KLHL15: variants seen among roughly 807,000 people sequenced by gnomAD.
The protein encoded by KLHL15 is kelch like family member 15.
Under a neutral mutation model 29.3 loss-of-function variants are expected in KLHL15, and 1 was observed. That is an observed-to-expected ratio of 0.03 (90% CI 0.01 to 0.16). The LOEUF (loss-of-function observed/expected upper bound fraction) is 0.16, where lower values mean the gene tolerates loss of function less well. Among genes scored for constraint, KLHL15 ranks in the 10% least tolerant of loss-of-function variants. KLHL15 has a pLI of 1.00. For synonymous variants in KLHL15, 212 were observed against 184.5 expected, an observed-to-expected ratio of 1.15 and a Z score of -1.21; for missense variants, 215 against 478.5, an observed-to-expected ratio of 0.45 and a Z score of 5.14.
At chrX:23,995,426 A>G (rs972848178) in intron 3 of KLHL15, among the ~76,000 whole-genome samples, 2 of 106,784 alleles carry the variant, frequency 1.9e-5, no homozygotes, top group Admixed American at 1.0e-4. Flanking sequence ...AAAAAAAAAA[A>G]GGCTGGCTAA....
At position 23,987,882 on chromosome X, in the gene KLHL15, A is replaced by T. The variant is rs746683646; in HGVS notation, c.*39T>A. 3.5e-6 allele frequency: 4 copies of T among 1,138,538 alleles called. No homozygotes were observed. The African/African-American group carries it at 7.3e-5, about 21-fold the overall frequency. The allele number at this position is 1,138,538 out of a possible 1,213,427, so 93.8% of individuals were successfully genotyped here. On this transcript the variant is annotated 3_prime_UTR_variant, in exon 4 of 4. Transcript: ENST00000328046. ...TTAATTAATTACTCTGTGCAAACAA[A>T]TACTTTGTTTGCCTCTTTTTTTAGG...
rs188233005 is a variant in KLHL15, at chrX:24,009,905, G to C, written c.-7-3205C>G. On this transcript the variant is annotated intron_variant, in intron 2 of 3. Coordinates refer to ENST00000328046, the MANE Select transcript of KLHL15 (RefSeq NM_030624.3). ...CTTGGGAGGCTGAGGCAGGAGAATCGCTGGAACCTGGGAGACGGAGGCTGC... is the reference window on the plus strand; with the variant it reads ...CTTGGGAGGCTGAGGCAGGAGAATCCCTGGAACCTGGGAGACGGAGGCTGC... 4.1e-5 allele frequency among the ~76,000 whole-genome samples: 4 copies of C among 97,736 alleles called. No individual in the cohort carries two copies. In the Admixed American group the frequency reaches 4.7e-4, roughly 11 times the overall value. The allele number at this position is 97,736 out of a possible 115,157, so 84.9% of individuals were successfully genotyped here. A position where few individuals can be genotyped will look rare whatever the true frequency, so the allele number is the denominator to read the frequency against.
intron 3 of KLHL15, among the ~76,000 whole-genome samples, chrX:23,996,331 T>A (rs1160830512): frequency 8.9e-6 from 1 of 111,978 alleles, no homozygotes; most frequent in Non-Finnish European, 1.9e-5. Context: ...CATGATGCAA[T>A]CTTCCCAAGT....
chrX:24,022,485 T>C (rs1230159304), intron 2 of KLHL15, among the ~76,000 whole-genome samples: 1 of 107,335 alleles, frequency 9.3e-6, no homozygotes, highest in Admixed American at 1.0e-4. Flanking sequence ...AATACAAAAA[T>C]TAGCCGGGCG....
At chrX:24,017,466 G>A (rs972812937) in intron 2 of KLHL15, among the ~76,000 whole-genome samples, 1 of 109,781 alleles carries the variant, frequency 9.1e-6, no homozygotes, top group African/African-American at 3.3e-5. Context: ...GCCTCCCTAG[G>A]GTTTATCATA....
rs73486003 is a variant in KLHL15, at chrX:23,986,098, G to T, written c.*1823C>A. 434 of 106,131 alleles carry T rather than the reference G, an allele frequency of 4.1e-3. 2 individuals are homozygous for T. Among genetic ancestry groups the T allele is most frequent in the African/African-American group, 0.013 (405 of 30,329 alleles). The allele number at this position is 106,131 out of a possible 1,213,427, so 8.7% of individuals were successfully genotyped here. ...ATTGATTTTTGAAATCAATGCCAAT[G>T]GTTTTTTCAAAAGCTACTTATGTAC... On this transcript the variant is annotated 3_prime_UTR_variant, in exon 4 of 4. Transcript: ENST00000328046.
At chrX:24,016,652 G>GT (rs780460466) in intron 2 of KLHL15, among the ~76,000 whole-genome samples, 30 of 104,662 alleles carry the variant, frequency 2.9e-4, no homozygotes, top group African/African-American at 9.1e-4. Context: ...GGGCAAAAGA[G>GT]TGAGATCATG....
chrX:23,987,812 C>T lies in KLHL15; in HGVS notation c.*109G>A. ...ATGAAAAATTCTTACAATGTTAGAC[C>T]AATGGCTTTGATAGTAAAACTGGTG... is the stretch of plus-strand genomic sequence containing the variant. On this transcript the variant is annotated 3_prime_UTR_variant, in exon 4 of 4. Coordinates refer to ENST00000328046, the MANE Select transcript of KLHL15 (RefSeq NM_030624.3). 1.4e-6 allele frequency: 1 copy of T among 737,624 alleles called. No individual in the cohort carries two copies. Among genetic ancestry groups the T allele is most frequent in the Non-Finnish European group, 2.0e-6 (1 of 507,491 alleles). The allele number at this position is 737,624 out of a possible 1,213,427, so 60.8% of individuals were successfully genotyped here.
Position 23,990,773 on chromosome X carries a change from C to A in KLHL15, c.706-1743G>T, listed in dbSNP as rs944276479. On this transcript the variant is annotated intron_variant, in intron 3 of 3. Transcript: ENST00000328046. Reference sequence around the variant, plus strand: ...GTATATATTTATGAGCTTCCTCCCCCCCCTTCCTTCTCCTCTCTTTCCTTT... The same window carrying A: ...GTATATATTTATGAGCTTCCTCCCCACCCTTCCTTCTCCTCTCTTTCCTTT... Among the ~76,000 whole-genome samples, 5 of 110,450 alleles carry A rather than the reference C, an allele frequency of 4.5e-5. No homozygotes were observed. The South Asian group carries it at 1.6e-3, about 34-fold the overall frequency.
In KLHL15 at chrX:23,987,942, A is replaced by T. The variant is rs1929014888; in HGVS notation, c.1794T>A (p.Asp598Glu). The T allele has an allele frequency of 2.5e-6, 3 of 1,207,791 alleles. No homozygotes were observed. The highest frequency in any genetic ancestry group is 3.4e-6 in the Non-Finnish European group (3 of 893,347). ...CNLHFPDYVL[D>E]EVRRCN ...GTCATTAGTTGCAACGCCTGACCTCATCCAGTACATAGTCCGGAAAATGCA... is the reference window on the plus strand; with the variant it reads ...GTCATTAGTTGCAACGCCTGACCTCTTCCAGTACATAGTCCGGAAAATGCA... The change falls in exon 4 of 4, where the codon GAT (aspartate) becomes GAA (glutamate). Residue 598 changes from aspartate (D) to glutamate (E), a missense_variant. Asp to Glu is a conservative substitution (Grantham distance 45). Transcript: ENST00000328046.
chrX:23,995,367 A>G (rs894960549), intron 3 of KLHL15, among the ~76,000 whole-genome samples: 29 of 96,465 alleles, frequency 3.0e-4, no homozygotes, highest in Non-Finnish European at 5.3e-4. Context: ...AGATCACGCC[A>G]CTGCACTCCA....
At position 23,987,033 on chromosome X, in the gene KLHL15, A is replaced by G. The variant is rs770946002; in HGVS notation, c.*888T>C. On this transcript the variant is annotated 3_prime_UTR_variant, in exon 4 of 4. Transcript: ENST00000328046. ...GAAAAGACATACATCGACAAAGAAC[A>G]CTAACATTTACTTTTGAAAATAAAA... 8.9e-6 allele frequency: 1 copy of G among 112,657 alleles called. No individual in the cohort carries two copies. Among genetic ancestry groups the G allele is most frequent in the South Asian group, 3.6e-4 (1 of 2,758 alleles). 9.3% of individuals were successfully genotyped at this position (112,657 alleles called of 1,213,427 possible).
rs1402468276 is a variant in KLHL15 at position 23,984,530 on chromosome X, G to A, written c.*3391C>T. The stretch of plus-strand genomic sequence containing the variant: ...TCTGATTTACACTATTATCTATGTT[G>A]CATTTTACTTCAGTCTAAAACTTTA... On this transcript the variant is annotated 3_prime_UTR_variant, in exon 4 of 4. Transcript: ENST00000328046. The A allele has an allele frequency of 8.9e-6, 1 of 112,021 alleles. No individual in the cohort carries two copies. Among genetic ancestry groups the A allele is most frequent in the Non-Finnish European group, 1.9e-5 (1 of 53,136 alleles). 9.2% of individuals were successfully genotyped at this position (112,021 alleles called of 1,213,427 possible). A position where few individuals can be genotyped will look rare whatever the true frequency, so the allele number is the denominator to read the frequency against.
intron 2 of KLHL15, among the ~76,000 whole-genome samples, chrX:24,015,471 T>C (rs1337785843): frequency 8.9e-6 from 1 of 112,556 alleles, no homozygotes; most frequent in Non-Finnish European, 1.9e-5. Flanking sequence ...CATTTATCAA[T>C]AAGACTACAA....
chrX:24,008,889 C>CA (rs1171150015), intron 2 of KLHL15, among the ~76,000 whole-genome samples: 93 of 88,324 alleles, frequency 1.1e-3, no homozygotes, highest in East Asian at 4.2e-3. Context: ...AAAAACAAAA[C>CA]AAAAAAAAAA....
At position 24,024,948 on chromosome X, in the gene KLHL15, G is replaced by C. The variant is rs915550363; in HGVS notation, c.-99C>G. On this transcript the variant is annotated 5_prime_UTR_variant, in exon 2 of 4. Coordinates refer to ENST00000328046, the MANE Select transcript of KLHL15 (RefSeq NM_030624.3). ...CGATGGGTGGGCGGTCGGGCGCCGG[G>C]ACGGCACTCGGCAGGCTCCTCGGAC... is the stretch of plus-strand genomic sequence containing the variant. 1 of 297,276 alleles carries C rather than the reference G, an allele frequency of 3.4e-6. No individual in the cohort carries two copies. The highest frequency in any genetic ancestry group is 2.7e-5 in the African/African-American group (1 of 36,967). 24.5% of individuals were successfully genotyped at this position (297,276 alleles called of 1,213,427 possible). A position where few individuals can be genotyped will look rare whatever the true frequency, so the allele number is the denominator to read the frequency against.
At chrX:24,002,138 A>AAAATGAATAAAT (rs1213645801) in intron 3 of KLHL15, among the ~76,000 whole-genome samples, 6 of 96,129 alleles carry the variant, frequency 6.2e-5, no homozygotes, top group Non-Finnish European at 9.7e-5. Flanking sequence ...GTCTCAAAAG[A>AAAATGAATAAAT]AAATGAATAA....
intron 2 of KLHL15, among the ~76,000 whole-genome samples, chrX:24,019,493 CG>C (rs1929760639): frequency 9.0e-6 from 1 of 110,825 alleles, no homozygotes; most frequent in South Asian, 3.8e-4. Flanking sequence ...TGGCCTCAAG[CG>C]ATCCACCCGC....
intron 3 of KLHL15, among the ~76,000 whole-genome samples, chrX:24,005,490 C>T (rs72620469): frequency 0.099 from 10,999 of 110,971 alleles, 640 homozygotes; most frequent in African/African-American, 0.22. Context: ...ACCATTAGGG[C>T]CTATTGGTTT....
Sources: gnomAD v4.1 joint callset for allele counts (sites outside exome capture counted in the v4.1 genomes callset) on GRCh38, gnomAD v4.1.1 for gene constraint, MANE v1.5 for transcripts, NCBI Gene and HGNC (gene_info 2026-07-23, HGNC 2026-07-21) for gene names.